Variants in CD28 observed in about 807,000 individuals in gnomAD.
The protein encoded by CD28 is CD28 molecule.
CD28 carries 8 observed loss-of-function variants against 21.4 expected under a neutral mutation model. That is an observed-to-expected ratio of 0.37 (90% CI 0.22 to 0.68). CD28 has a LOEUF of 0.68. Ranked by LOEUF, CD28 falls within the 30% of genes least tolerant of loss-of-function variation. The pLI is 0.55. For missense variants in CD28, 239 were observed against 272.2 expected (o/e 0.88, Z 0.86); for synonymous variants, 106 against 104.0 (o/e 1.02, Z -0.12).
chr2:203,714,329 G>A (rs1336215167), intron 1 of CD28, among the ~76,000 whole-genome samples: 1 of 152,006 alleles, frequency 6.6e-6, no homozygotes, highest in Non-Finnish European at 1.5e-5. Context: ...CTCAGCTCAC[G>A]GCTGAGATCA....
chr2:203,729,803 T>G, intron 3 of CD28, 31 bp downstream of exon 3: 1 of 1,605,678 alleles, frequency 6.2e-7, no homozygotes, highest in South Asian at 1.1e-5. Context: ...TTTATGTAAC[T>G]TTTCCACTGC....
At chr2:203,731,969 GTA>G (rs1197179292) in intron 3 of CD28, among the ~76,000 whole-genome samples, 1 of 152,170 alleles carries the variant, frequency 6.6e-6, no homozygotes, top group Non-Finnish European at 1.5e-5. Flanking sequence ...TACCAAAAGA[GTA>G]TAAATACAAG....
At chr2:203,733,617 C>T (rs368315725) in intron 3 of CD28, among the ~76,000 whole-genome samples, 27 of 151,858 alleles carry the variant, frequency 1.8e-4, no homozygotes, top group African/African-American at 4.8e-4. Flanking sequence ...GAAATTCTAA[C>T]GGCTGGTTAG....
Position 203,707,185 on chromosome 2 carries a change from T to TC in CD28, c.52+437_52+438insC, listed in dbSNP as rs1250359362. On this transcript the variant is annotated intron_variant, in intron 1 of 3. Transcript: ENST00000324106. ...TGTATCGTTTCTTTCTTTCTTTCTTTTTTTTTTTAATTTAAGAAAGCTGCT... is the reference window on the plus strand; with the variant it reads ...TGTATCGTTTCTTTCTTTCTTTCTTTCTTTTTTTTAATTTAAGAAAGCTGCT... 2.8e-4 allele frequency among the ~76,000 whole-genome samples: 42 copies of TC among 151,888 alleles called. 1 individual carries two copies. The highest frequency in any genetic ancestry group is 6.8e-3 in the Middle Eastern group (2 of 294).
At chr2:203,728,059 C>G (rs1231067469) in intron 2 of CD28, among the ~76,000 whole-genome samples, 1 of 151,570 alleles carries the variant, frequency 6.6e-6, no homozygotes, top group Non-Finnish European at 1.5e-5. Flanking sequence ...ATCTGCCCAC[C>G]TGGGCCTCCC....
Position 203,727,001 on chromosome 2 carries a change from C to G in CD28, c.409+12C>G. On this transcript the variant is annotated intron_variant, in intron 2 of 3. Transcript: ENST00000324106. ...TATCCATGTGAAAGGTAACATACAACTTTACCAGTGTACCACCCTAAAGTA... is the reference window on the plus strand; with the variant it reads ...TATCCATGTGAAAGGTAACATACAAGTTTACCAGTGTACCACCCTAAAGTA... 1 of 1,480,712 alleles carries G rather than the reference C, an allele frequency of 6.8e-7. No individual in the cohort carries two copies. The highest frequency in any genetic ancestry group is 9.4e-7 in the Non-Finnish European group (1 of 1,060,746). 91.7% of individuals were successfully genotyped at this position (1,480,712 alleles called of 1,614,324 possible).
intron 1 of CD28, among the ~76,000 whole-genome samples, chr2:203,725,612 T>A (rs3115966): frequency 0.13 from 20,371 of 152,204 alleles, 1,627 homozygotes; most frequent in Middle Eastern, 0.19. Context: ...CTTTTAAAGA[T>A]TGAACTAAAT....
At chr2:203,730,489 CT>C (rs1693859570) in intron 3 of CD28, among the ~76,000 whole-genome samples, 1 of 152,180 alleles carries the variant, frequency 6.6e-6, no homozygotes, top group African/African-American at 2.4e-5. Context: ...GAACGTACCC[CT>C]GAGTGACCCT....
chr2:203,725,031 C>T (rs970347765), intron 1 of CD28, among the ~76,000 whole-genome samples: 2 of 152,122 alleles, frequency 1.3e-5, no homozygotes, highest in Non-Finnish European at 2.9e-5. Flanking sequence ...TGGCTCACAC[C>T]TGTAATCCCA....
Position 203,734,932 on chromosome 2 carries a change from G to C in CD28, c.*20G>C. On this transcript the variant is annotated 3_prime_UTR_variant, in exon 4 of 4. Transcript: ENST00000324106. ...TCCTGACACGGACGCCTATCCAGAA[G>C]CCAGCCGGCTGGCAGCCCCCATCTG... is the stretch of plus-strand genomic sequence containing the variant. 1 of 1,611,996 alleles carries C rather than the reference G, an allele frequency of 6.2e-7. No individual in the cohort carries two copies. Among genetic ancestry groups the C allele is most frequent in the Admixed American group, 1.7e-5 (1 of 59,796 alleles).
rs1693999995 is a variant in CD28 at position 203,735,186 on chromosome 2, G to A, written c.*274G>A. On this transcript the variant is annotated 3_prime_UTR_variant, in exon 4 of 4. Coordinates refer to ENST00000324106, the MANE Select transcript of CD28 (RefSeq NM_006139.4). ...ACTTAGTGACTTGACTGAGAAGTTA[G>A]GGTAGAAAACAAAAAGGGAGTGGAT... The A allele has an allele frequency of 2.4e-6, 1 of 414,692 alleles. No homozygotes were observed. Among genetic ancestry groups the A allele is most frequent in the South Asian group, 3.9e-5 (1 of 25,904 alleles). The allele number at this position is 414,692 out of a possible 1,614,324, so 25.7% of individuals were successfully genotyped here. A position where few individuals can be genotyped will look rare whatever the true frequency, so the allele number is the denominator to read the frequency against.
At chr2:203,720,561 A>T (rs1340801143) in intron 1 of CD28, among the ~76,000 whole-genome samples, 2 of 152,204 alleles carry the variant, frequency 1.3e-5, no homozygotes, top group African/African-American at 4.8e-5. Flanking sequence ...GAAATCAAAC[A>T]CAAGTTAGGA....
intron 2 of CD28, 65 bp downstream of exon 2, chr2:203,727,054 T>G (rs1243205261): frequency 2.0e-6 from 2 of 1,008,010 alleles, no homozygotes; most frequent in Non-Finnish European, 3.1e-6. Flanking sequence ...TCCTGAAAAC[T>G]GGGTTGTGGT....
In CD28 at chr2:203,734,778, C is replaced by T. The variant is rs1453258089; in HGVS notation, c.535-6C>T. 2 of 1,614,170 alleles carry T rather than the reference C, an allele frequency of 1.2e-6. No individual in the cohort carries two copies. Among genetic ancestry groups the T allele is most frequent in the Non-Finnish European group, 1.7e-6 (2 of 1,179,996 alleles). Reference sequence around the variant, plus strand: ...CCCTCCATACTGACACTTCTCTTTCCTGCAGGTGAGGAGTAAGAGGAGCAG... The same window carrying T: ...CCCTCCATACTGACACTTCTCTTTCTTGCAGGTGAGGAGTAAGAGGAGCAG... On this transcript the variant is annotated splice_region_variant and splice_polypyrimidine_tract_variant and intron_variant, in intron 3 of 3. Transcript: ENST00000324106.
intron 1 of CD28, among the ~76,000 whole-genome samples, chr2:203,721,708 G>T (rs554073878): frequency 1.3e-5 from 2 of 152,110 alleles, no homozygotes; most frequent in African/African-American, 4.8e-5. Flanking sequence ...TGTTGCCCCC[G>T]GAAGTTTTGT....
At chr2:203,711,011 G>T (rs1278066479) in intron 1 of CD28, among the ~76,000 whole-genome samples, 1 of 152,170 alleles carries the variant, frequency 6.6e-6, no homozygotes, top group Non-Finnish European at 1.5e-5. Flanking sequence ...GGGTGGTTTT[G>T]TGACTGACTG....
chr2:203,735,668 C>T lies in CD28; in HGVS notation c.*756C>T, dbSNP rs987916237. ...CTTTCGAAAGAATAAAATAGTTCTC[C>T]TACATGAAGAAAGAATATGTCAGGA... On this transcript the variant is annotated 3_prime_UTR_variant, in exon 4 of 4. Transcript: ENST00000324106. 1 of 152,392 alleles carries T rather than the reference C, an allele frequency of 6.6e-6. No individual in the cohort carries two copies. Among genetic ancestry groups the T allele is most frequent in the African/African-American group, 2.4e-5 (1 of 41,426 alleles). The allele number at this position is 152,392 out of a possible 1,614,324, so 9.4% of individuals were successfully genotyped here.
intron 1 of CD28, among the ~76,000 whole-genome samples, chr2:203,718,005 C>T (rs2106113617): frequency 6.6e-6 from 1 of 152,188 alleles, no homozygotes; most frequent in East Asian, 1.9e-4. Flanking sequence ...ACATGAATTT[C>T]TGGGAGAGAG....
intron 1 of CD28, among the ~76,000 whole-genome samples, chr2:203,725,000 A>T (rs1693702601): frequency 6.6e-6 from 1 of 152,130 alleles, no homozygotes; most frequent in Admixed American, 6.6e-5. Context: ...TTTTAGAAAA[A>T]TTCTTGAGGG....
Sources: gnomAD v4.1 joint callset for allele counts (sites outside exome capture counted in the v4.1 genomes callset) on GRCh38, gnomAD v4.1.1 for gene constraint, MANE v1.5 for transcripts, NCBI Gene and HGNC (gene_info 2026-07-23, HGNC 2026-07-21) for gene names.